FRMD4B: variants seen among roughly 807,000 people sequenced by gnomAD.
The protein encoded by FRMD4B is FERM domain-containing protein 4B.
Under a neutral mutation model 141.5 loss-of-function variants are expected in FRMD4B, and 74 were observed. The ratio of observed to expected loss-of-function variants is 0.52; its 90% CI spans 0.43 to 0.63. FRMD4B has a LOEUF of 0.63. Among genes scored for constraint, FRMD4B ranks in the 30% least tolerant of loss-of-function variants. The probability of loss-of-function intolerance (pLI) is 0.00; values close to 1 mark genes in which losing one functional copy is unlikely to be tolerated. For synonymous variants in FRMD4B, 506 were observed against 467.9 expected (o/e 1.08, Z -1.05); for missense variants, 1,366 against 1,253.4 (o/e 1.09, Z -1.36).
chr3:69,293,333 C>T (rs1325835081), intron 4 of FRMD4B, among the ~76,000 whole-genome samples: 1 of 151,948 alleles, frequency 6.6e-6, no homozygotes, highest in East Asian at 1.9e-4. Context: ...TGAATCCTAG[C>T]TCCAGTGCTG....
At chr3:69,216,375 C>A in intron 10 of FRMD4B, 26 bp from the exon 11 acceptor site, 4 of 1,111,066 alleles carry the variant, frequency 3.6e-6, no homozygotes, top group East Asian at 2.5e-5. Context: ...GCATGAGAAC[C>A]AAGACCTAGC....
intron 5 of FRMD4B, among the ~76,000 whole-genome samples, chr3:69,250,995 A>G (rs1407760026): frequency 6.6e-6 from 1 of 152,212 alleles, no homozygotes; most frequent in African/African-American, 2.4e-5. Flanking sequence ...GTATAGCTCT[A>G]TCAATAATAT....
chr3:69,480,036 G>A (rs923704574), intron 1 of FRMD4B, among the ~76,000 whole-genome samples: 11 of 152,162 alleles, frequency 7.2e-5, no homozygotes, highest in East Asian at 3.9e-4. Flanking sequence ...AGTAGTTCTC[G>A]AGCCTTGGCT....
intron 2 of FRMD4B, among the ~76,000 whole-genome samples, chr3:69,427,643 G>GTCTTTTTTTTTTTTTT (rs1705105882): frequency 2.8e-5 from 1 of 36,238 alleles, no homozygotes; most frequent in African/African-American, 1.1e-4. Context: ...CTAGGTAAAT[G>GTCTTTTTTTTTTTTTT]TTTTTTTTTT....
At chr3:69,501,780 C>T (rs1326031388) in intron 1 of FRMD4B, among the ~76,000 whole-genome samples, 1 of 152,274 alleles carries the variant, frequency 6.6e-6, no homozygotes, top group African/African-American at 2.4e-5. Context: ...ATCTAGAAAA[C>T]CCCACTGTCT....
Position 69,187,911 on chromosome 3 carries a change from T to C in FRMD4B, c.1778A>G (p.Asp593Gly), listed in dbSNP as rs2092787965. The change falls in exon 19 of 23, where the codon GAT becomes GGT. Residue 593 changes from aspartate to glycine, a missense_variant. Asp to Gly is a moderately conservative substitution (Grantham distance 94). Transcript: ENST00000398540. ...SDTTTYDDPS[D>G]AFTFPGQRSS... ...TCGCTGCCCAGGAAAAGTGAAGGCA[T>C]CACTGGCTATAATAAGTAAATGGGT... is the stretch of plus-strand genomic sequence containing the variant. The C allele has an allele frequency of 6.4e-7, 1 of 1,565,574 alleles. No individual in the cohort carries two copies. The highest frequency in any genetic ancestry group is 8.7e-7 in the Non-Finnish European group (1 of 1,149,266).
chr3:69,210,204 C>T (rs1171896503), intron 11 of FRMD4B, among the ~76,000 whole-genome samples: 1 of 152,158 alleles, frequency 6.6e-6, no homozygotes, highest in African/African-American at 2.4e-5. Context: ...GCATTTTGTC[C>T]CACTATGGAC....
intron 1 of FRMD4B, among the ~76,000 whole-genome samples, chr3:69,535,328 C>A (rs1287775866): frequency 6.6e-6 from 1 of 152,192 alleles, no homozygotes; most frequent in East Asian, 1.9e-4. Context: ...AACCAGTTTC[C>A]TTGGCTGTAC....
intron 3 of FRMD4B, among the ~76,000 whole-genome samples, chr3:69,304,672 C>T (rs1356393986): frequency 6.6e-6 from 1 of 152,110 alleles, no homozygotes; most frequent in Non-Finnish European, 1.5e-5. Flanking sequence ...ATTGATGACA[C>T]TGGGGCTCAG....
chr3:69,433,678 A>G (rs1351398940), intron 1 of FRMD4B, among the ~76,000 whole-genome samples: 1 of 152,218 alleles, frequency 6.6e-6, no homozygotes, highest in African/African-American at 2.4e-5. Context: ...CAGGAACTCC[A>G]TATTCAAGGA....
chr3:69,513,772 G>GTATAT (rs1706727919), intron 1 of FRMD4B, among the ~76,000 whole-genome samples: 1 of 151,920 alleles, frequency 6.6e-6, no homozygotes, highest in African/African-American at 2.4e-5. Flanking sequence ...AATTACTACT[G>GTATAT]TATATTACAT....
At chr3:69,264,138 G>A (rs80095504) in intron 5 of FRMD4B, among the ~76,000 whole-genome samples, 5,268 of 152,150 alleles carry the variant, frequency 0.035, 149 homozygotes, top group East Asian at 0.1. Context: ...TGGCATTACT[G>A]GACACAGAGT....
intron 5 of FRMD4B, among the ~76,000 whole-genome samples, chr3:69,284,653 C>T (rs1459135878): frequency 6.6e-6 from 1 of 152,090 alleles, no homozygotes; most frequent in African/African-American, 2.4e-5. Context: ...ATAATGCCTA[C>T]CATCCTACCA....
At chr3:69,502,927 T>C (rs966598548) in intron 1 of FRMD4B, among the ~76,000 whole-genome samples, 1 of 152,120 alleles carries the variant, frequency 6.6e-6, no homozygotes, top group African/African-American at 2.4e-5. Flanking sequence ...AACAGACACA[T>C]GAAAAAATGC....
chr3:69,402,192 A>T (rs1374821403), intron 2 of FRMD4B, among the ~76,000 whole-genome samples: 1 of 152,198 alleles, frequency 6.6e-6, no homozygotes, highest in Non-Finnish European at 1.5e-5. Flanking sequence ...TGATTGGTTT[A>T]GGAAAGGGCA....
chr3:69,234,342 T>C (rs984405763), intron 7 of FRMD4B, among the ~76,000 whole-genome samples: 2 of 152,240 alleles, frequency 1.3e-5, no homozygotes, highest in East Asian at 1.9e-4. Flanking sequence ...GATCTTCTAT[T>C]GAAGGATGAC....
At chr3:69,541,954 T>A (rs1575606360) in intron 1 of FRMD4B, among the ~76,000 whole-genome samples, 1 of 152,110 alleles carries the variant, frequency 6.6e-6, no homozygotes, top group East Asian at 2.0e-4. Context: ...ACCGCCAAAC[T>A]TCCTGTCTCC....
In FRMD4B at chr3:69,439,492, G is replaced by A. The variant is rs573540339; in HGVS notation, c.-128-6731C>T. Among the ~76,000 whole-genome samples the A allele has an allele frequency of 5.9e-5, 9 of 152,266 alleles. No individual in the cohort carries two copies. In the East Asian group the frequency reaches 9.7e-4, roughly 16 times the overall value. ...ATTTGGAAATGTGGGAGAATCTTTCGTGAGATGGGGATGGAATGGGGCAGG... is the reference window on the plus strand; with the variant it reads ...ATTTGGAAATGTGGGAGAATCTTTCATGAGATGGGGATGGAATGGGGCAGG... On this transcript the variant is annotated intron_variant, in intron 1 of 5. Coordinates refer to the FRMD4B transcript ENST00000459638.
intron 1 of FRMD4B, among the ~76,000 whole-genome samples, chr3:69,348,068 A>G (rs1167922449): frequency 6.6e-5 from 10 of 151,270 alleles, no homozygotes; most frequent in Admixed American, 5.3e-4. Flanking sequence ...AAGATCAACA[A>G]AATTGATAGA....
Sources: gnomAD v4.1 joint callset for allele counts (sites outside exome capture counted in the v4.1 genomes callset) on GRCh38, gnomAD v4.1.1 for gene constraint, MANE v1.5 for transcripts, NCBI Gene and HGNC (gene_info 2026-07-23, HGNC 2026-07-21) for gene names.